CCDC3: variants seen among roughly 807,000 people sequenced by gnomAD.
CCDC3 encodes the protein coiled-coil domain-containing protein 3.
A neutral mutation model predicts 21.4 loss-of-function variants in CCDC3; 24 were observed. The ratio of observed to expected loss-of-function variants is 1.12; its 90% CI spans 0.81 to 1.58. CCDC3 has a LOEUF of 1.58. CCDC3 is among the 40% of genes most tolerant of loss of function. CCDC3 has a pLI of 0.00. For missense variants in CCDC3, 425 were observed against 360.9 expected, an observed-to-expected ratio of 1.18 and a Z score of -1.44; for synonymous variants, 186 against 166.0, an observed-to-expected ratio of 1.12 and a Z score of -0.93.
intron 5 of CCDC3, among the ~76,000 whole-genome samples, chr10:13,034,925 C>T (rs1836358881): frequency 6.6e-6 from 1 of 151,714 alleles, no homozygotes; most frequent in Admixed American, 6.6e-5. Flanking sequence ...ACTTGGGAGG[C>T]TGAGGCAGGA....
intron 2 of CCDC3, among the ~76,000 whole-genome samples, chr10:12,991,483 G>C (rs1835682325): frequency 6.6e-6 from 1 of 152,056 alleles, no homozygotes; most frequent in Non-Finnish European, 1.5e-5. Flanking sequence ...ACCATGCCTG[G>C]CTAATTTTTG....
intron 5 of CCDC3, among the ~76,000 whole-genome samples, chr10:13,041,510 T>TA (rs1564329934): frequency 3.3e-4 from 7 of 21,032 alleles, no homozygotes; most frequent in African/African-American, 6.7e-4. Flanking sequence ...GATAATTTTT[T>TA]TTTTTTTTTT....
chr10:13,001,127 T>A (rs1407344416), intron 1 of CCDC3, 70 bp downstream of exon 1: 1 of 1,500,134 alleles, frequency 6.7e-7, no homozygotes, highest in Non-Finnish European at 8.9e-7. Context: ...CCGGCCTGGC[T>A]CTAGGTAACG....
intron 3 of CCDC3, among the ~76,000 whole-genome samples, chr10:13,091,820 CAAAAAAAAAA>C (rs5783305): frequency 2.4e-5 from 3 of 127,354 alleles, no homozygotes; most frequent in African/African-American, 6.0e-5. Flanking sequence ...AAGCCCAATC[CAAAAAAAAAA>C]AAAAAAAAAA....
upstream of CCDC3, chr10:13,001,741 A>C: frequency 9.3e-6 from 3 of 322,560 alleles, no homozygotes; most frequent in Non-Finnish European, 9.1e-6. Flanking sequence ...CACGCTTTAA[A>C]AGGGTCCCGG....
At position 13,001,187 on chromosome 10, in the gene CCDC3, C is replaced by A. The variant is rs1217942869; in HGVS notation, c.374+10G>T. 1 of 1,545,978 alleles carries A rather than the reference C, an allele frequency of 6.5e-7. No individual in the cohort carries two copies. The highest frequency in any genetic ancestry group is 1.2e-5 in the South Asian group (1 of 83,796). ...AGAGAGAGAGGTGGCGGCGGCGCCGCCGGGCTCACCTGAGGAAGAAGAAAT... is the reference window on the plus strand; with the variant it reads ...AGAGAGAGAGGTGGCGGCGGCGCCGACGGGCTCACCTGAGGAAGAAGAAAT... On this transcript the variant is annotated intron_variant, in intron 1 of 2. Transcript: ENST00000378825.
chr10:13,041,026 T>C (rs1219133053), intron 5 of CCDC3, among the ~76,000 whole-genome samples: 1 of 152,204 alleles, frequency 6.6e-6, no homozygotes, highest in East Asian at 1.9e-4. Flanking sequence ...TTATACCTCA[T>C]GCTGAGGAAC....
intron 5 of CCDC3, among the ~76,000 whole-genome samples, chr10:13,042,887 C>G (rs1443973667): frequency 8.7e-6 from 1 of 114,966 alleles, no homozygotes; most frequent in Non-Finnish European, 1.7e-5. Context: ...CCAGCCTGGG[C>G]GACAGAGGGA....
chr10:13,096,090 T>A (rs568022480), intron 3 of CCDC3, among the ~76,000 whole-genome samples: 1 of 147,510 alleles, frequency 6.8e-6, no homozygotes, highest in Non-Finnish European at 1.5e-5. Context: ...ATATTACATA[T>A]CTTTTCTTTT....
intron 2 of CCDC3, among the ~76,000 whole-genome samples, chr10:12,989,974 C>G (rs971501934): frequency 6.6e-6 from 1 of 151,846 alleles, no homozygotes; most frequent in Non-Finnish European, 1.5e-5. Flanking sequence ...TTCACTGGGC[C>G]GGGCACAGTG....
At chr10:12,959,474 C>T (rs1464871088) in intron 2 of CCDC3, among the ~76,000 whole-genome samples, 1 of 152,094 alleles carries the variant, frequency 6.6e-6, no homozygotes, top group East Asian at 1.9e-4. Context: ...AACCTACAAG[C>T]TAAAAAGTTT....
intron 2 of CCDC3, among the ~76,000 whole-genome samples, chr10:12,976,012 C>T (rs1006450850): frequency 3.3e-5 from 5 of 152,190 alleles, no homozygotes; most frequent in Non-Finnish European, 5.9e-5. Context: ...CTGCTATTTG[C>T]CTGTAAGCCC....
intron 2 of CCDC3, among the ~76,000 whole-genome samples, chr10:12,970,776 C>T (rs766841190): frequency 2.0e-5 from 3 of 151,844 alleles, no homozygotes; most frequent in Non-Finnish European, 2.9e-5. Context: ...ATCCCAGCTA[C>T]TCAGGAGGTT....
At chr10:13,051,486 A>G (rs1836607114) in intron 4 of CCDC3, among the ~76,000 whole-genome samples, 1 of 152,226 alleles carries the variant, frequency 6.6e-6, no homozygotes, top group Admixed American at 6.5e-5. Flanking sequence ...TGCACACTGA[A>G]GATTATCACG....
At chr10:12,944,399 T>C (rs1834881994) in intron 2 of CCDC3, among the ~76,000 whole-genome samples, 1 of 152,202 alleles carries the variant, frequency 6.6e-6, no homozygotes, top group Non-Finnish European at 1.5e-5. Flanking sequence ...AGGCAGAGCT[T>C]AACTCTTTCA....
At chr10:12,962,529 G>T (rs1049334955) in intron 2 of CCDC3, among the ~76,000 whole-genome samples, 2 of 152,174 alleles carry the variant, frequency 1.3e-5, no homozygotes, top group Non-Finnish European at 2.9e-5. Flanking sequence ...CTTGAACCTG[G>T]GAGCTGGAGG....
chr10:13,032,812 C>A (rs1836323518), intron 5 of CCDC3, among the ~76,000 whole-genome samples: 1 of 152,156 alleles, frequency 6.6e-6, no homozygotes, highest in South Asian at 2.1e-4. Context: ...TCAAGAAGAA[C>A]TACAAAACAC....
In CCDC3 at chr10:13,091,007, C is replaced by T. The variant is rs574142945; in HGVS notation, c.-503+7518G>A. ...GCAGTAAGTCCTAGAGTCCAAGGGC[C>T]GAAGAACTTGGAGTCTGATGTTCAA... On this transcript the variant is annotated intron_variant, in intron 3 of 6. Transcript: ENST00000378839. Among the ~76,000 whole-genome samples the T allele has an allele frequency of 3.3e-5, 5 of 152,256 alleles. No individual in the cohort carries two copies. The East Asian group carries it at 7.7e-4, about 24-fold the overall frequency.
rs1835854081 is a variant in CCDC3, at chr10:13,001,492, C to T, written c.79G>A (p.Glu27Lys). ...CAGCCCTCGCTCAGGGGCCTCCACT[C>T]GGAGGGCAGCTGGCAGGCGCGCGCG... is the stretch of plus-strand genomic sequence containing the variant. ...APARACQLPSEWRPLSEGCRA... is the reference protein window; with the variant it reads ...APARACQLPSKWRPLSEGCRA... The change falls in exon 1 of 3, where the codon GAG becomes AAG. Residue 27 changes from glutamate (E) to lysine (K), a missense_variant. Transcript: ENST00000378825. 5 of 1,353,718 alleles carry T rather than the reference C, an allele frequency of 3.7e-6. No individual in the cohort carries two copies. Among genetic ancestry groups the T allele is most frequent in the East Asian group, 3.1e-5 (1 of 32,248 alleles). The allele number at this position is 1,353,718 out of a possible 1,614,324, so 83.9% of individuals were successfully genotyped here.
Sources: gnomAD v4.1 joint callset for allele counts (sites outside exome capture counted in the v4.1 genomes callset) on GRCh38, gnomAD v4.1.1 for gene constraint, MANE v1.5 for transcripts, NCBI Gene and HGNC (gene_info 2026-07-23, HGNC 2026-07-21) for gene names.